The following RAD54B variants were observed in gnomAD, a reference collection of about 807,000 sequenced individuals.
The protein encoded by RAD54B is DNA repair and recombination protein RAD54B.
Under a neutral mutation model 95.8 loss-of-function variants are expected in RAD54B, and 78 were observed. The observed-to-expected ratio is 0.81, with a 90% CI of 0.68 to 0.98. The LOEUF is 0.98. Among genes scored for constraint, RAD54B ranks in the 50% least tolerant of loss-of-function variants. The pLI is 0.00. For missense variants in RAD54B, 957 were observed against 1,056.6 expected, an observed-to-expected ratio of 0.91 and a Z score of 1.31; for synonymous variants, 328 against 354.9, an observed-to-expected ratio of 0.92 and a Z score of 0.85.
At chr8:94,460,423 A>C (rs1351393675) in intron 2 of RAD54B, among the ~76,000 whole-genome samples, 1 of 152,158 alleles carries the variant, frequency 6.6e-6, no homozygotes. Context: ...GCAAGCTGAG[A>C]TCACACCACT....
Position 94,378,334 on chromosome 8 carries a change from A to C in RAD54B, c.2361T>G (p.Gly787=). The change falls in exon 14 of 15, where the codon GGT becomes GGG. Residue 787 remains glycine (G), a synonymous_variant. Coordinates refer to ENST00000336148, the MANE Select transcript of RAD54B (RefSeq NM_012415.3). ...KIYQRQISKQ[G]LCGAVVDLTK... is the part of the protein sequence containing the mutation. The stretch of plus-strand genomic sequence containing the variant: ...TGAGGTCGACAACTGCCCCACAAAG[A>C]CCTTGCTTACTGATCTGCCTTTGAT... The C allele has an allele frequency of 6.2e-7, 1 of 1,613,930 alleles. No homozygotes were observed. Among genetic ancestry groups the C allele is most frequent in the Non-Finnish European group, 8.5e-7 (1 of 1,179,944 alleles).
chr8:94,385,170 T>C (rs1055715361), intron 11 of RAD54B, among the ~76,000 whole-genome samples: 12 of 152,190 alleles, frequency 7.9e-5, no homozygotes, highest in African/African-American at 2.7e-4. Flanking sequence ...TTAATCATTA[T>C]ATTTTTCTTC....
At chr8:94,373,709 C>A (rs1343582771) in intron 14 of RAD54B, among the ~76,000 whole-genome samples, 1 of 152,112 alleles carries the variant, frequency 6.6e-6, no homozygotes, top group Non-Finnish European at 1.5e-5. Context: ...ATTAGACTGC[C>A]CTGACTAACT....
chr8:94,417,312 A>C (rs1586151845), intron 3 of RAD54B, among the ~76,000 whole-genome samples: 1 of 152,152 alleles, frequency 6.6e-6, no homozygotes, highest in East Asian at 1.9e-4. Flanking sequence ...ATATTCTGCA[A>C]CTGGCTGTTC....
chr8:94,419,870 C>T (rs766293376), intron 3 of RAD54B, among the ~76,000 whole-genome samples: 1 of 151,910 alleles, frequency 6.6e-6, no homozygotes, highest in Non-Finnish European at 1.5e-5. Context: ...TCATGTACCA[C>T]ACAACAAGGT....
chr8:94,382,836 T>G (rs1176330247), intron 11 of RAD54B, among the ~76,000 whole-genome samples: 1 of 152,178 alleles, frequency 6.6e-6, no homozygotes, highest in Non-Finnish European at 1.5e-5. Context: ...GTGAAGAAGG[T>G]CTTTGCTTCC....
chr8:94,373,187 T>C (rs1810482173), intron 14 of RAD54B: 1 of 152,214 alleles, frequency 6.6e-6, no homozygotes, highest in Non-Finnish European at 1.5e-5. Flanking sequence ...AGTCGAGCAA[T>C]TGATACGAGC....
intron 3 of RAD54B, among the ~76,000 whole-genome samples, chr8:94,425,503 C>T (rs1388840450): frequency 1.3e-5 from 2 of 151,870 alleles, no homozygotes; most frequent in Admixed American, 6.6e-5. Context: ...CCAAAACCTA[C>T]CAATGTTTAA....
intron 3 of RAD54B, chr8:94,428,302 T>C (rs1053908506): frequency 6.8e-5 from 67 of 982,664 alleles, no homozygotes; most frequent in Non-Finnish European, 7.6e-5. Flanking sequence ...TTAAAGCTCA[T>C]GGACCCCAAA....
At chr8:94,450,371 C>T (rs2930967) in intron 3 of RAD54B, among the ~76,000 whole-genome samples, 83,230 of 151,992 alleles carry the variant, frequency 0.55, 24,435 homozygotes, top group East Asian at 0.79. Context: ...AACAGCAAAT[C>T]TTGCAAAAGG....
At chr8:94,382,670 C>T (rs1047234948) in intron 11 of RAD54B, among the ~76,000 whole-genome samples, 1 of 152,180 alleles carries the variant, frequency 6.6e-6, no homozygotes, top group African/African-American at 2.4e-5. Context: ...CCAGAACCCC[C>T]ATTTGTTCAG....
At chr8:94,429,087 AAGATTG>A (rs1812017791) in intron 3 of RAD54B, 1 of 985,404 alleles carries the variant, frequency 1.0e-6, no homozygotes, top group African/African-American at 1.7e-5. Flanking sequence ...GGAGAAAAAC[AAGATTG>A]ACTTGGAAAA....
intron 12 of RAD54B, among the ~76,000 whole-genome samples, chr8:94,379,053 G>T (rs1355434598): frequency 6.6e-6 from 1 of 152,170 alleles, no homozygotes; most frequent in African/African-American, 2.4e-5. Context: ...GTGGTTTAAA[G>T]ATTTATCAAT....
At chr8:94,413,361 T>A (rs1326711671) in intron 3 of RAD54B, among the ~76,000 whole-genome samples, 1 of 152,188 alleles carries the variant, frequency 6.6e-6, no homozygotes, top group Admixed American at 6.5e-5. Flanking sequence ...GACATTCCAA[T>A]GCATTGGAAG....
intron 3 of RAD54B, among the ~76,000 whole-genome samples, chr8:94,435,670 C>T (rs984925285): frequency 1.3e-5 from 2 of 152,036 alleles, no homozygotes; most frequent in African/African-American, 4.8e-5. Context: ...CAAATAGTTA[C>T]ATAGAAGACA....
intron 11 of RAD54B, among the ~76,000 whole-genome samples, chr8:94,385,906 T>C (rs535305146): frequency 6.6e-6 from 1 of 151,506 alleles, no homozygotes. Flanking sequence ...TGTGAAGGAG[T>C]GATGAGAGAT....
At chr8:94,430,017 T>C (rs1252970523) in intron 3 of RAD54B, 2 of 985,110 alleles carry the variant, frequency 2.0e-6, no homozygotes, top group African/African-American at 1.7e-5. Flanking sequence ...TCTGACTCAT[T>C]AAAAATAGTA....
At position 94,404,159 on chromosome 8, in the gene RAD54B, T is replaced by C; in HGVS notation, c.862A>G (p.Ile288Val). Residue 288 changes from isoleucine (I) to valine (V), a missense_variant, in exon 6 of 15, where the codon ATT becomes GTT. Transcript: ENST00000336148. ...AGATGATATACAAGGTAAGGATCAATCACTACATCCACAAGAGGGAAACAG... is the reference window on the plus strand; with the variant it reads ...AGATGATATACAAGGTAAGGATCAACCACTACATCCACAAGAGGGAAACAG... ...KNCFPLVDVV[I>V]DPYLVYHLRP... is the part of the protein sequence containing the mutation. 1.2e-6 allele frequency: 2 copies of C among 1,611,258 alleles called. No individual in the cohort carries two copies. Among genetic ancestry groups the C allele is most frequent in the South Asian group, 1.1e-5 (1 of 90,826 alleles).
In RAD54B at chr8:94,404,171, C is replaced by T. The variant is rs138076805; in HGVS notation, c.850G>A (p.Val284Met). ...WVFNKNCFPL[V>M]DVVIDPYLVY... Reference sequence around the variant, plus strand: ...AGGTAAGGATCAATCACTACATCCACAAGAGGGAAACAGTTCTTATTGAAT... The same window carrying T: ...AGGTAAGGATCAATCACTACATCCATAAGAGGGAAACAGTTCTTATTGAAT... Residue 284 changes from valine to methionine, a missense_variant, in exon 6 of 15, where the codon GTG (valine) becomes ATG (methionine). Transcript: ENST00000336148. 1.9e-6 allele frequency: 3 copies of T among 1,611,722 alleles called. No individual in the cohort carries two copies. The highest frequency in any genetic ancestry group is 2.5e-6 in the Non-Finnish European group (3 of 1,178,300).
Sources: gnomAD v4.1 joint callset for allele counts (sites outside exome capture counted in the v4.1 genomes callset) on GRCh38, gnomAD v4.1.1 for gene constraint, MANE v1.5 for transcripts, NCBI Gene and HGNC (gene_info 2026-07-23, HGNC 2026-07-21) for gene names.